Variants in SLC12A8 observed in about 807,000 individuals in gnomAD.
The protein encoded by SLC12A8 is cation-chloride cotransporter 9.
SLC12A8 carries 69 observed loss-of-function variants against 75.6 expected under a neutral mutation model. That is an observed-to-expected ratio of 0.91 (90% CI 0.75 to 1.11). The LOEUF is 1.11. SLC12A8 is among the 50% of genes most tolerant of loss of function. The probability of loss-of-function intolerance (pLI) is 0.00; values close to 1 mark genes in which losing one functional copy is unlikely to be tolerated. For synonymous variants in SLC12A8, 365 were observed against 372.8 expected, an observed-to-expected ratio of 0.98 and a Z score of 0.24; for missense variants, 877 against 896.7, an observed-to-expected ratio of 0.98 and a Z score of 0.28.
chr3:125,168,106 A>G (rs371164482), intron 5 of SLC12A8, among the ~76,000 whole-genome samples: 5 of 152,358 alleles, frequency 3.3e-5, no homozygotes, highest in African/African-American at 9.6e-5. Context: ...TCAAGGGATA[A>G]ATTCTGATTT....
intron 10 of SLC12A8, among the ~76,000 whole-genome samples, chr3:125,106,352 G>T (rs1056129688): frequency 7.3e-5 from 11 of 149,740 alleles, no homozygotes; most frequent in Admixed American, 3.3e-4. Flanking sequence ...GGTTTTTGGG[G>T]TTTTTTGTTG....
rs116104469 is a variant in SLC12A8 at position 125,112,857 on chromosome 3, C to T, written c.913-2522G>A. Among the ~76,000 whole-genome samples the T allele has an allele frequency of 1.1e-3, 165 of 152,220 alleles. 1 individual carries two copies. Among genetic ancestry groups the T allele is most frequent in the African/African-American group, 3.8e-3 (159 of 41,526 alleles). The stretch of plus-strand genomic sequence containing the variant: ...TAATTAGTGTAGAGTGAGACACAGA[C>T]GTGGTTGAGTTTAAGAAAGCCCTCC... On this transcript the variant is annotated intron_variant, in intron 8 of 13. Transcript: ENST00000469902.
At chr3:125,110,064 T>C (rs1939148345) in intron 9 of SLC12A8, 125 bp downstream of exon 9, 2 of 1,060,046 alleles carry the variant, frequency 1.9e-6, no homozygotes, top group African/African-American at 1.6e-5. Flanking sequence ...CATTATTTTC[T>C]GTGTCACCCC....
intron 5 of SLC12A8, among the ~76,000 whole-genome samples, chr3:125,175,279 A>G (rs1305789473): frequency 6.6e-6 from 1 of 152,136 alleles, no homozygotes; most frequent in African/African-American, 2.4e-5. Flanking sequence ...ATTTTTTAAG[A>G]GTTGAAATCA....
chr3:125,146,520 C>T (rs954238421), intron 5 of SLC12A8, among the ~76,000 whole-genome samples: 5 of 152,250 alleles, frequency 3.3e-5, no homozygotes, highest in Non-Finnish European at 7.3e-5. Context: ...TTCCACAGCA[C>T]CCTCCCCAGG....
rs536751863 is a variant in SLC12A8, at chr3:125,186,893, GGCCACCTGGCT to G, written c.390+333_390+343del. Among the ~76,000 whole-genome samples, 187 of 152,348 alleles carry G rather than the reference GGCCACCTGGCT, an allele frequency of 1.2e-3. No individual in the cohort carries two copies. In the East Asian group the frequency reaches 0.017, roughly 14 times the overall value. The stretch of plus-strand genomic sequence containing the variant: ...CAGTAAAAAAGCGTCCCAGGGCCCA[GGCCACCTGGCT>G]GCCACCTGGCTGCCACCTGGGCTTC... On this transcript the variant is annotated intron_variant, in intron 4 of 13. Transcript: ENST00000469902.
intron 5 of SLC12A8, among the ~76,000 whole-genome samples, chr3:125,142,822 C>G (rs1933681487): frequency 6.6e-6 from 1 of 152,214 alleles, no homozygotes; most frequent in South Asian, 2.1e-4. Flanking sequence ...GAAGCCCACT[C>G]TCAGGCCTCT....
At chr3:125,191,815 C>A (rs1295927370) in intron 2 of SLC12A8, among the ~76,000 whole-genome samples, 2 of 152,216 alleles carry the variant, frequency 1.3e-5, no homozygotes, top group African/African-American at 4.8e-5. Flanking sequence ...CTCAATTCAG[C>A]CACATGGGAC....
Position 125,107,790 on chromosome 3 carries a change from G to A in SLC12A8, c.1396C>T (p.Leu466Phe). ...CTCTCAAGCTTCCTGGTTAGCTGGA[G>A]GAGCTGATCCATGTCCTTGGTGAAT... ...LEFTKDMDQL[L>F]QLTRKLESSQ... Residue 466 changes from leucine (L) to phenylalanine (F), a missense_variant, in exon 10 of 14, where the codon CTC becomes TTC. Coordinates refer to ENST00000469902, the MANE Select transcript of SLC12A8 (RefSeq NM_024628.6). The A allele has an allele frequency of 1.2e-6, 2 of 1,614,198 alleles. No individual in the cohort carries two copies. The highest frequency in any genetic ancestry group is 2.2e-5 in the South Asian group (2 of 91,084).
chr3:125,124,046 T>G (rs868345174), intron 6 of SLC12A8, among the ~76,000 whole-genome samples: 1 of 152,162 alleles, frequency 6.6e-6, no homozygotes, highest in African/African-American at 2.4e-5. Flanking sequence ...CCAGGTTCTG[T>G]GTAGGCTGCC....
intron 5 of SLC12A8, among the ~76,000 whole-genome samples, chr3:125,150,509 C>T (rs6786622): frequency 0.13 from 20,476 of 152,126 alleles, 2,705 homozygotes; most frequent in African/African-American, 0.34. Flanking sequence ...AGTATGCTTA[C>T]CTAAAATGTA....
chr3:125,110,151 T>C (rs11710815), intron 9 of SLC12A8, 38 bp downstream of exon 9: 41,679 of 1,592,964 alleles, frequency 0.026, 640 homozygotes, highest in Non-Finnish European at 0.031. Context: ...CAGCAAAACA[T>C]GTTTCAAAAA....
chr3:125,108,497 T>C (rs113668256), intron 9 of SLC12A8, among the ~76,000 whole-genome samples: 1 of 152,100 alleles, frequency 6.6e-6, no homozygotes, highest in Admixed American at 6.5e-5. Context: ...GCATCCTGAA[T>C]AGCTGGGACT....
intron 2 of SLC12A8, 39 bp downstream of exon 2, chr3:125,211,260 C>T (rs1408408595): frequency 1.3e-6 from 2 of 1,581,818 alleles, no homozygotes; most frequent in Admixed American, 1.7e-5. Context: ...CCCGTGCTCA[C>T]AGGCCTCCAT....
chr3:125,188,487 A>G (rs1483800729), intron 3 of SLC12A8, among the ~76,000 whole-genome samples: 1 of 152,258 alleles, frequency 6.6e-6, no homozygotes, highest in Non-Finnish European at 1.5e-5. Context: ...GGTGTTCATT[A>G]AATGCTTGTT....
chr3:125,120,733 C>T (rs1409386306), intron 6 of SLC12A8, 47 bp from the exon 7 acceptor site: 1 of 1,430,782 alleles, frequency 7.0e-7, no homozygotes, highest in South Asian at 1.2e-5. Flanking sequence ...CTCCTCCACG[C>T]ATCGCCTTCC....
chr3:125,090,126 C>G (rs1434922750), intron 12 of SLC12A8, among the ~76,000 whole-genome samples: 2 of 151,836 alleles, frequency 1.3e-5, no homozygotes, highest in African/African-American at 4.8e-5. Flanking sequence ...CCAGGCTGGC[C>G]TCAAACTCCT....
intron 8 of SLC12A8, 44 bp from the exon 9 acceptor site, chr3:125,110,379 C>CTG (rs1157970077): frequency 6.3e-7 from 1 of 1,591,280 alleles, no homozygotes; most frequent in East Asian, 2.2e-5. Context: ...GAACCTGCTC[C>CTG]TGTGCCTTTC....
intron 5 of SLC12A8, among the ~76,000 whole-genome samples, chr3:125,144,955 C>T (rs1331971388): frequency 6.6e-6 from 1 of 152,204 alleles, no homozygotes; most frequent in Non-Finnish European, 1.5e-5. Flanking sequence ...CCCTTCCCCA[C>T]CAAGTTCTGA....
Sources: gnomAD v4.1 joint callset for allele counts (sites outside exome capture counted in the v4.1 genomes callset) on GRCh38, gnomAD v4.1.1 for gene constraint, MANE v1.5 for transcripts, NCBI Gene and HGNC (gene_info 2026-07-23, HGNC 2026-07-21) for gene names.